DOK6: variants seen among roughly 807,000 people sequenced by gnomAD.
DOK6 encodes docking protein 6, also known as downstream of tyrosine kinase 6.
In DOK6, 22 loss-of-function variants were observed where a neutral mutation model predicts 44.0. The ratio of observed to expected loss-of-function variants is 0.50; its 90% CI spans 0.36 to 0.71. The LOEUF is 0.71. DOK6 is among the 30% of genes least tolerant of loss of function. The probability of loss-of-function intolerance (pLI) is 0.00; values close to 1 mark genes in which losing one functional copy is unlikely to be tolerated. For synonymous variants in DOK6, 166 were observed against 145.5 expected (o/e 1.14, Z -1.01); for missense variants, 340 against 416.4 (o/e 0.82, Z 1.60).
chr18:69,540,087 A>C (rs1837963), intron 1 of DOK6, among the ~76,000 whole-genome samples: 1 of 152,058 alleles, frequency 6.6e-6, no homozygotes, highest in African/African-American at 2.4e-5. Flanking sequence ...TGAGAACAGC[A>C]TGGGGGAAAC....
At chr18:69,608,907 G>A (rs77361858) in intron 3 of DOK6, among the ~76,000 whole-genome samples, 4,516 of 137,604 alleles carry the variant, frequency 0.033, 109 homozygotes, top group East Asian at 0.15. Context: ...CCGAGATGGC[G>A]CCACTGCCTT....
chr18:69,689,993 T>A (rs1986229983), intron 4 of DOK6, among the ~76,000 whole-genome samples: 1 of 152,180 alleles, frequency 6.6e-6, no homozygotes, highest in South Asian at 2.1e-4. Context: ...TGTGTGTGAA[T>A]ATTTTTGTAT....
At chr18:69,730,563 T>C (rs189567874) in intron 5 of DOK6, among the ~76,000 whole-genome samples, 17 of 152,294 alleles carry the variant, frequency 1.1e-4, no homozygotes, top group South Asian at 6.2e-4. Flanking sequence ...AGCTTCTACA[T>C]TGAAGGTGAT....
At chr18:69,427,619 G>A (rs1366512273) in intron 1 of DOK6, among the ~76,000 whole-genome samples, 1 of 152,176 alleles carries the variant, frequency 6.6e-6, no homozygotes, top group African/African-American at 2.4e-5. Context: ...ATGCCCGAAG[G>A]AATACAACTC....
chr18:69,412,026 T>C (rs1317494157), intron 1 of DOK6, among the ~76,000 whole-genome samples: 1 of 152,178 alleles, frequency 6.6e-6, no homozygotes, highest in African/African-American at 2.4e-5. Context: ...ATGTCTAGAA[T>C]TATCATTTGG....
At position 69,846,116 on chromosome 18, in the gene DOK6, G is replaced by A. The variant is rs1462249213; in HGVS notation, c.*4733G>A. 2.0e-5 allele frequency: 3 copies of A among 152,120 alleles called. No homozygotes were observed. Among genetic ancestry groups the A allele is most frequent in the Non-Finnish European group, 4.4e-5 (3 of 68,032 alleles). The allele number at this position is 152,120 out of a possible 1,614,324, so 9.4% of individuals were successfully genotyped here. On this transcript the variant is annotated 3_prime_UTR_variant, in exon 8 of 8. Transcript: ENST00000382713. Reference sequence around the variant, plus strand: ...GAAGAATGTGACTATTGTAGCATTCGTGCAATTATGCCAGCAGAGGAGGCA... The same window carrying A: ...GAAGAATGTGACTATTGTAGCATTCATGCAATTATGCCAGCAGAGGAGGCA...
intron 1 of DOK6, among the ~76,000 whole-genome samples, chr18:69,517,331 A>G (rs975670922): frequency 6.6e-6 from 1 of 152,210 alleles, no homozygotes; most frequent in African/African-American, 2.4e-5. Context: ...AGGGGAAAAA[A>G]AAACATTGTT....
At chr18:69,689,848 TTAAA>T (rs1986227402) in intron 4 of DOK6, among the ~76,000 whole-genome samples, 1 of 152,134 alleles carries the variant, frequency 6.6e-6, no homozygotes, top group African/African-American at 2.4e-5. Flanking sequence ...AACAGATAAT[TTAAA>T]TAAATTATAG....
chr18:69,628,214 T>C (rs1199594897), intron 3 of DOK6, among the ~76,000 whole-genome samples: 1 of 152,134 alleles, frequency 6.6e-6, no homozygotes, highest in Non-Finnish European at 1.5e-5. Context: ...GGAGGCTTGG[T>C]GTGGTGGCTC....
chr18:69,650,059 C>T (rs1226069213), intron 3 of DOK6, among the ~76,000 whole-genome samples: 1 of 151,996 alleles, frequency 6.6e-6, no homozygotes, highest in Non-Finnish European at 1.5e-5. Context: ...AAGGACAAGG[C>T]AAGACTTTTC....
chr18:69,828,853 A>C (rs2145130577), intron 7 of DOK6, among the ~76,000 whole-genome samples: 1 of 70,914 alleles, frequency 1.4e-5, no homozygotes, highest in Non-Finnish European at 3.7e-5. Context: ...TTGAGATGAA[A>C]GTCCCATTAT....
chr18:69,423,916 G>A (rs1978565343), intron 1 of DOK6, among the ~76,000 whole-genome samples: 1 of 152,086 alleles, frequency 6.6e-6, no homozygotes, highest in South Asian at 2.1e-4. Context: ...TCTATGTACA[G>A]TTTTTCTACA....
At chr18:69,623,854 G>T (rs935074202) in intron 3 of DOK6, among the ~76,000 whole-genome samples, 1 of 152,064 alleles carries the variant, frequency 6.6e-6, no homozygotes, top group African/African-American at 2.4e-5. Flanking sequence ...GTGAATTGAG[G>T]GAGTATTACC....
At chr18:69,563,610 A>T (rs1403885255) in intron 1 of DOK6, among the ~76,000 whole-genome samples, 1 of 138,418 alleles carries the variant, frequency 7.2e-6, no homozygotes, top group Non-Finnish European at 1.5e-5. Context: ...ATGAGAACAC[A>T]TGGACACAGG....
intron 3 of DOK6, among the ~76,000 whole-genome samples, chr18:69,622,328 T>C (rs1984461162): frequency 6.6e-6 from 1 of 152,236 alleles, no homozygotes; most frequent in African/African-American, 2.4e-5. Flanking sequence ...TCAAGCTTCG[T>C]ATTGTGGAAA....
intron 1 of DOK6, among the ~76,000 whole-genome samples, chr18:69,485,962 C>A (rs1260120408): frequency 6.6e-6 from 1 of 150,536 alleles, no homozygotes; most frequent in Admixed American, 6.7e-5. Flanking sequence ...ATATATGTTT[C>A]ATTTATTGAA....
chr18:69,527,180 C>G (rs1408278566), intron 1 of DOK6, among the ~76,000 whole-genome samples: 1 of 152,174 alleles, frequency 6.6e-6, no homozygotes, highest in Non-Finnish European at 1.5e-5. Context: ...ATTTGCAAAT[C>G]TACTTAATTC....
At chr18:69,464,705 AT>A (rs1979878724) in intron 1 of DOK6, among the ~76,000 whole-genome samples, 1 of 152,250 alleles carries the variant, frequency 6.6e-6, no homozygotes, top group Non-Finnish European at 1.5e-5. Flanking sequence ...ATTTGCGCTA[AT>A]TGTGAAGAAA....
At chr18:69,502,175 T>G (rs1981066610) in intron 1 of DOK6, among the ~76,000 whole-genome samples, 1 of 152,142 alleles carries the variant, frequency 6.6e-6, no homozygotes, top group Non-Finnish European at 1.5e-5. Flanking sequence ...TTGGCTAACT[T>G]CTTGAAAAGC....
Sources: allele counts gnomAD v4.1 joint callset (sites outside exome capture counted in the v4.1 genomes callset), GRCh38; gene constraint gnomAD v4.1.1; transcripts MANE v1.5; gene names NCBI Gene and HGNC (gene_info 2026-07-23, HGNC 2026-07-21).